Variants in RBMS3 observed in about 807,000 individuals in gnomAD.
RBMS3 encodes the protein RNA-binding motif, single-stranded-interacting protein 3.
Under a neutral mutation model 66.8 loss-of-function variants are expected in RBMS3, and 27 were observed. The ratio of observed to expected loss-of-function variants is 0.40; its 90% CI spans 0.30 to 0.56. RBMS3 has a LOEUF of 0.56. Ranked by LOEUF, RBMS3 falls within the 20% of genes least tolerant of loss-of-function variation. The probability of loss-of-function intolerance (pLI) is 0.40; values close to 1 mark genes in which losing one functional copy is unlikely to be tolerated. For missense variants in RBMS3, 513 were observed against 549.5 expected, an observed-to-expected ratio of 0.93 and a Z score of 0.66; for synonymous variants, 188 against 183.0, an observed-to-expected ratio of 1.03 and a Z score of -0.22.
intron 12 of RBMS3, among the ~76,000 whole-genome samples, chr3:29,966,475 T>C (rs1344340789): frequency 6.6e-6 from 1 of 152,050 alleles, no homozygotes; most frequent in Non-Finnish European, 1.5e-5. Flanking sequence ...AGGGGTTGAG[T>C]TCTCGATTTG....
At chr3:29,607,297 A>G (rs2048347020) in intron 4 of RBMS3, among the ~76,000 whole-genome samples, 1 of 151,972 alleles carries the variant, frequency 6.6e-6, no homozygotes, top group Admixed American at 6.6e-5. Context: ...GCTTATAAAC[A>G]ACAGAAATTT....
chr3:29,977,909 A>T (rs1292432579), intron 12 of RBMS3, among the ~76,000 whole-genome samples: 1 of 127,176 alleles, frequency 7.9e-6, no homozygotes, highest in Non-Finnish European at 1.5e-5. Context: ...AGGCTCTAGT[A>T]AAAAAAAAAA....
rs137911600 is a variant in RBMS3, at chr3:29,788,386, C to T, written c.637+25397C>T. On this transcript the variant is annotated intron_variant, in intron 6 of 14. Transcript: ENST00000383767. ...TAATACAGGCATGTGCCACCACGTC[C>T]GGCTAACTTTTTGTATTTTTAGTAG... is the stretch of plus-strand genomic sequence containing the variant. 2.7e-4 allele frequency among the ~76,000 whole-genome samples: 41 copies of T among 152,102 alleles called. No individual in the cohort carries two copies. In the East Asian group the frequency reaches 3.3e-3, roughly 12 times the overall value.
chr3:29,470,315 C>T (rs2042681776), intron 2 of RBMS3, among the ~76,000 whole-genome samples: 2 of 151,842 alleles, frequency 1.3e-5, no homozygotes, highest in South Asian at 4.1e-4. Context: ...TCTATAGTTT[C>T]AAAGATCAAA....
chr3:29,770,521 C>T lies in RBMS3; in HGVS notation c.637+7532C>T, dbSNP rs142053112. Reference sequence around the variant, plus strand: ...TGATTGATTAAAGTAGTTGTAATTTCATGGGATAGAGAAAAGGGATGAGGA... The same window carrying T: ...TGATTGATTAAAGTAGTTGTAATTTTATGGGATAGAGAAAAGGGATGAGGA... On this transcript the variant is annotated intron_variant, in intron 6 of 14. Transcript: ENST00000383767. 5.0e-3 allele frequency among the ~76,000 whole-genome samples: 757 copies of T among 152,028 alleles called. 4 individuals carry two copies. The highest frequency in any genetic ancestry group is 0.017 in the Middle Eastern group (5 of 294).
At chr3:29,716,548 C>A (rs918885338) in intron 4 of RBMS3, among the ~76,000 whole-genome samples, 2 of 152,204 alleles carry the variant, frequency 1.3e-5, no homozygotes, top group African/African-American at 2.4e-5. Context: ...CTTTTCTGTG[C>A]AAGAGTGTTA....
intron 6 of RBMS3, among the ~76,000 whole-genome samples, chr3:29,776,883 A>G (rs1330936785): frequency 6.6e-6 from 1 of 151,926 alleles, no homozygotes; most frequent in Non-Finnish European, 1.5e-5. Context: ...TCCATGTTAG[A>G]GGTTGACAGT....
chr3:30,006,207 G>A lies in RBMS3; in HGVS notation c.*2345G>A, dbSNP rs981363927. 1 of 151,958 alleles carries A rather than the reference G, an allele frequency of 6.6e-6. No individual in the cohort carries two copies. The highest frequency in any genetic ancestry group is 2.1e-4 in the South Asian group (1 of 4,828). 9.4% of individuals were successfully genotyped at this position (151,958 alleles called of 1,614,324 possible). ...TTAAGTGTACTATAAAACAGGGTAG[G>A]CTTTTTAAAAACTAAAAAGTTTTAA... On this transcript the variant is annotated 3_prime_UTR_variant, in exon 15 of 15. Coordinates refer to ENST00000383767, the MANE Select transcript of RBMS3 (RefSeq NM_001003793.3).
chr3:29,648,730 C>T (rs1182031883), intron 4 of RBMS3, among the ~76,000 whole-genome samples: 1 of 151,610 alleles, frequency 6.6e-6, no homozygotes, highest in East Asian at 1.9e-4. Context: ...TTTTCCTAAA[C>T]ATGTCCAAAT....
In RBMS3 at chr3:29,622,837, G is replaced by A. The variant is rs561234226; in HGVS notation, c.399+35632G>A. Among the ~76,000 whole-genome samples the A allele has an allele frequency of 1.8e-3, 281 of 152,246 alleles. 3 individuals are homozygous for A. The highest frequency in any genetic ancestry group is 6.4e-3 in the African/African-American group (266 of 41,556). On this transcript the variant is annotated intron_variant, in intron 4 of 14. Transcript: ENST00000383767. ...TAAAATGGGATTAAAAAGTAGTCCC[G>A]GACAGGAGCGGTGGCTCACAGCTGT...
intron 6 of RBMS3, among the ~76,000 whole-genome samples, chr3:29,791,207 G>GGCA (rs2057000905): frequency 2.0e-5 from 3 of 152,110 alleles, no homozygotes; most frequent in African/African-American, 7.2e-5. Flanking sequence ...TTAGAAGACA[G>GGCA]GTATTATGTA....
chr3:29,809,584 G>A (rs891920850), intron 6 of RBMS3, among the ~76,000 whole-genome samples: 1 of 151,902 alleles, frequency 6.6e-6, no homozygotes, highest in African/African-American at 2.4e-5. Flanking sequence ...ATATTTGATT[G>A]ATAAATGTTT....
At chr3:29,880,606 A>T (rs1007754100) in intron 7 of RBMS3, among the ~76,000 whole-genome samples, 2 of 152,186 alleles carry the variant, frequency 1.3e-5, no homozygotes, top group Non-Finnish European at 2.9e-5. Flanking sequence ...TCAACAATCT[A>T]TTACACATGA....
chr3:29,696,699 T>C lies in RBMS3; in HGVS notation c.400-43021T>C, dbSNP rs75625793. Among the ~76,000 whole-genome samples the C allele has an allele frequency of 2.1e-3, 313 of 152,296 alleles. 3 individuals are homozygous for C. Among genetic ancestry groups the C allele is most frequent in the African/African-American group, 6.7e-3 (280 of 41,552 alleles). ...TAGCTCTTGCTCCCCAAGGAGCAGA[T>C]GCTTCTGGGGAGGTTCAGGAGCACG... On this transcript the variant is annotated intron_variant, in intron 4 of 14. Coordinates refer to ENST00000383767, the MANE Select transcript of RBMS3 (RefSeq NM_001003793.3).
intron 1 of RBMS3, among the ~76,000 whole-genome samples, chr3:29,377,517 T>C (rs2038539471): frequency 6.6e-6 from 1 of 152,206 alleles, no homozygotes; most frequent in Non-Finnish European, 1.5e-5. Context: ...TGCGTCCACT[T>C]TCTCTGTGAA....
chr3:29,476,788 T>A (rs2042963051), intron 2 of RBMS3, among the ~76,000 whole-genome samples: 1 of 152,240 alleles, frequency 6.6e-6, no homozygotes, highest in Admixed American at 6.5e-5. Context: ...AACTAGTTAT[T>A]TCTGCATTAT....
At chr3:29,741,742 T>C (rs1278009396) in intron 5 of RBMS3, among the ~76,000 whole-genome samples, 2 of 152,210 alleles carry the variant, frequency 1.3e-5, no homozygotes, top group Non-Finnish European at 2.9e-5. Context: ...ATTTATTTTC[T>C]CACAATTTTG....
chr3:29,972,494 C>G (rs760336793), intron 12 of RBMS3, among the ~76,000 whole-genome samples: 3 of 151,966 alleles, frequency 2.0e-5, no homozygotes, highest in Non-Finnish European at 4.4e-5. Context: ...CACCACCCAT[C>G]TTGGATCAAC....
intron 14 of RBMS3, among the ~76,000 whole-genome samples, chr3:29,994,054 G>A (rs572215309): frequency 5.0e-4 from 76 of 152,278 alleles, no homozygotes; most frequent in East Asian, 3.9e-3. Context: ...CAGACTGGGC[G>A]CAGGTCAGTG....
Sources: gnomAD v4.1 joint callset for allele counts (sites outside exome capture counted in the v4.1 genomes callset) on GRCh38, gnomAD v4.1.1 for gene constraint, MANE v1.5 for transcripts, NCBI Gene and HGNC (gene_info 2026-07-23, HGNC 2026-07-21) for gene names.